Variants in CIITA observed in about 807,000 individuals in gnomAD.
The protein encoded by CIITA is class II major histocompatibility complex transactivator, also known as MHC class II transactivator.
A neutral mutation model predicts 115.1 loss-of-function variants in CIITA; 72 were observed. That is an observed-to-expected ratio of 0.63 (90% CI 0.52 to 0.76). The LOEUF is 0.76. CIITA is among the 30% of genes least tolerant of loss of function. CIITA has a pLI of 0.00. For missense variants in CIITA, 1,617 were observed against 1,463.8 expected (o/e 1.10, Z -1.71); for synonymous variants, 763 against 635.6 (o/e 1.20, Z -3.02).
chr16:10,896,589 T>G (rs927006101), intron 3 of CIITA, among the ~76,000 whole-genome samples: 1 of 152,116 alleles, frequency 6.6e-6, no homozygotes, highest in African/African-American at 2.4e-5. Flanking sequence ...AGAGCCTATG[T>G]TGAAATAGAA....
intron 1 of CIITA, among the ~76,000 whole-genome samples, chr16:10,893,923 C>G (rs116416319): frequency 2.0e-5 from 3 of 151,308 alleles, no homozygotes; most frequent in Non-Finnish European, 4.4e-5. Flanking sequence ...TTCATCACCC[C>G]CTAAAGAAAC....
upstream of CIITA, among the ~76,000 whole-genome samples, chr16:10,876,859 C>G (rs2035881995): frequency 6.6e-6 from 1 of 152,156 alleles, no homozygotes; most frequent in African/African-American, 2.4e-5. Context: ...GGGCGGAGGG[C>G]TATGATACTG....
At chr16:10,891,453 T>C in intron 1 of CIITA, among the ~76,000 whole-genome samples, 1 of 152,250 alleles carries the variant, frequency 6.6e-6, no homozygotes, top group East Asian at 1.9e-4. Flanking sequence ...AACTTATTAT[T>C]TTATAGATAT....
rs1450904938 is a variant in CIITA at position 10,901,973 on chromosome 16, G to A, written c.482-65G>A. The A allele has an allele frequency of 1.9e-6, 3 of 1,599,900 alleles. No homozygotes were observed. The highest frequency in any genetic ancestry group is 2.2e-5 in the East Asian group (1 of 44,844). ...GGAGAGACATCCATGCCACTCCAGG[G>A]CCCTCCCCATCCCAGGAAGGCCCCT... is the stretch of plus-strand genomic sequence containing the variant. On this transcript the variant is annotated intron_variant, in intron 6 of 19. Transcript: ENST00000324288. The surrounding 1 kb of genome is among the most constrained non-coding windows in gnomAD (Gnocchi z 6.8).
Position 10,933,285 on chromosome 16 carries a change from ACT to A in CIITA, c.*9433_*9434del, listed in dbSNP as rs1596651078. ...CGTGAAGCAATGTCTTAGCTCAGTA[ACT>A]CTGCAGAGAAGCTGCCTGGTTCAGG... is the stretch of plus-strand genomic sequence containing the variant. On this transcript the variant is annotated 3_prime_UTR_variant, in exon 20 of 20. Transcript: ENST00000324288. The A allele has an allele frequency of 6.6e-6, 1 of 152,278 alleles. No homozygotes were observed. Among genetic ancestry groups the A allele is most frequent in the Non-Finnish European group, 1.5e-5 (1 of 68,044 alleles). The allele number at this position is 152,278 out of a possible 1,614,324, so 9.4% of individuals were successfully genotyped here.
intron 1 of CIITA, among the ~76,000 whole-genome samples, chr16:10,877,668 C>T (rs2035965858): frequency 6.6e-6 from 1 of 152,196 alleles, no homozygotes; most frequent in African/African-American, 2.4e-5. Context: ...TCTCAGCATG[C>T]TGGCCTGGCT....
At position 10,870,169 on chromosome 16, in the gene CIITA, C is replaced by CAAAA. The variant is rs34256366; in HGVS notation, c.-21+3875_-21+3878dup. Among the ~76,000 whole-genome samples, 23 of 46,284 alleles carry CAAAA rather than the reference C, an allele frequency of 5.0e-4. 1 individual carries two copies. Among genetic ancestry groups the CAAAA allele is most frequent in the African/African-American group, 1.6e-3 (20 of 12,574 alleles). The allele number at this position is 46,284 out of a possible 152,430, so 30.4% of individuals were successfully genotyped here. On this transcript the variant is annotated intron_variant, in intron 1 of 5. Transcript: ENST00000636238. ...TCCTGGCCAATTGCAGTACTTCCTG[C>CAAAA]AAAAAAAAAAAAAAAAAAAAAAAAA... is the stretch of plus-strand genomic sequence containing the variant.
At chr16:10,869,758 G>A (rs371790742) in intron 1 of CIITA, among the ~76,000 whole-genome samples, 30 of 151,944 alleles carry the variant, frequency 2.0e-4, no homozygotes, top group Admixed American at 1.7e-3. Flanking sequence ...CAAGTGATCC[G>A]CCCACCCCAC....
rs1029680776 is a variant in CIITA at position 10,926,254 on chromosome 16, G to C, written c.*2399G>C. 12 of 152,210 alleles carry C rather than the reference G, an allele frequency of 7.9e-5. No homozygotes were observed. The highest frequency in any genetic ancestry group is 7.9e-4 in the Admixed American group (12 of 15,278). 9.4% of individuals were successfully genotyped at this position (152,210 alleles called of 1,614,324 possible). On this transcript the variant is annotated 3_prime_UTR_variant, in exon 20 of 20. Coordinates refer to ENST00000324288, the MANE Select transcript of CIITA (RefSeq NM_000246.4). ...CAGACAGGCAAGCACCTCCTGCCTC[G>C]AACTGGCTGCAAAGGGTATCAGGTG...
chr16:10,883,090 G>A (rs1322388264), intron 1 of CIITA, among the ~76,000 whole-genome samples: 1 of 152,090 alleles, frequency 6.6e-6, no homozygotes, highest in African/African-American at 2.4e-5. Flanking sequence ...GTTCATCTTG[G>A]GGTCTCCAGC....
Position 10,935,656 on chromosome 16 carries a change from C to T in CIITA, c.*11801C>T, listed in dbSNP as rs774830509. 1 of 152,186 alleles carries T rather than the reference C, an allele frequency of 6.6e-6. No individual in the cohort carries two copies. The highest frequency in any genetic ancestry group is 1.5e-5 in the Non-Finnish European group (1 of 68,034). The allele number at this position is 152,186 out of a possible 1,614,324, so 9.4% of individuals were successfully genotyped here. On this transcript the variant is annotated 3_prime_UTR_variant, in exon 20 of 20. Coordinates refer to ENST00000324288, the MANE Select transcript of CIITA (RefSeq NM_000246.4). ...GCAGACACCACCTTCACCAACTGATCAAAGTTAACATCGCCAGAAAGGGGA... is the reference window on the plus strand; with the variant it reads ...GCAGACACCACCTTCACCAACTGATTAAAGTTAACATCGCCAGAAAGGGGA...
At position 10,901,123 on chromosome 16, in the gene CIITA, A is replaced by G. The variant is rs1357099710; in HGVS notation, c.437-391A>G. Among the ~76,000 whole-genome samples, 1 of 151,994 alleles carries G rather than the reference A, an allele frequency of 6.6e-6. No homozygotes were observed. The highest frequency in any genetic ancestry group is 1.5e-5 in the Non-Finnish European group (1 of 67,986). On this transcript the variant is annotated intron_variant, in intron 5 of 19. Transcript: ENST00000324288. This position sits in a 1 kb window ranked among gnomAD's most constrained non-coding sequence, Gnocchi z 6.8. ...ATACTCACTCACTGATTTCTGGCAT[A>G]CTCCTGCAATGTAGGAACCACCACC...
In CIITA at chr16:10,901,579, G is replaced by T; in HGVS notation, c.481+21G>T. 1.2e-6 allele frequency: 2 copies of T among 1,613,270 alleles called. No homozygotes were observed. Among genetic ancestry groups the T allele is most frequent in the Non-Finnish European group, 1.7e-6 (2 of 1,179,640 alleles). ...GCCAGGTGTGCAGGGCAGGTGGGCTGGGGTTGGGAAGGGTGGATGCCTTGG... is the reference window on the plus strand; with the variant it reads ...GCCAGGTGTGCAGGGCAGGTGGGCTTGGGTTGGGAAGGGTGGATGCCTTGG... On this transcript the variant is annotated intron_variant, in intron 6 of 19. Coordinates refer to ENST00000324288, the MANE Select transcript of CIITA (RefSeq NM_000246.4). This position sits in a 1 kb window ranked among gnomAD's most constrained non-coding sequence, Gnocchi z 6.8.
At chr16:10,913,705 C>T (rs1365909390) in intron 13 of CIITA, among the ~76,000 whole-genome samples, 4 of 151,732 alleles carry the variant, frequency 2.6e-5, no homozygotes, top group African/African-American at 4.8e-5. Context: ...TTTGGGAGGC[C>T]GAGGCAGGTG....
chr16:10,916,280 C>T (rs760307983), intron 14 of CIITA, 87 bp from the exon 15 acceptor site: 42 of 1,263,834 alleles, frequency 3.3e-5, no homozygotes, highest in African/African-American at 1.0e-4. Context: ...GGGCAGGTGC[C>T]AGGGCTGAGG....
chr16:10,895,706 C>T lies in CIITA; in HGVS notation c.237C>T (p.Ser79=), dbSNP rs2038061291. 1 of 1,614,174 alleles carries T rather than the reference C, an allele frequency of 6.2e-7. No individual in the cohort carries two copies. The highest frequency in any genetic ancestry group is 8.5e-7 in the Non-Finnish European group (1 of 1,180,036). ...DTDTINCDQF[S]RLLCDMEGDE... ...ACACCATCAACTGCGACCAGTTCAGCAGGCTGTTGTGTGACATGGAAGGTG... is the reference window on the plus strand; with the variant it reads ...ACACCATCAACTGCGACCAGTTCAGTAGGCTGTTGTGTGACATGGAAGGTG... Residue 79 remains serine (S), a synonymous_variant, in exon 3 of 20, where the codon AGC becomes AGT. Transcript: ENST00000324288.
chr16:10,871,289 C>T (rs192498139), intron 1 of CIITA, among the ~76,000 whole-genome samples: 358 of 152,308 alleles, frequency 2.4e-3, no homozygotes, highest in Non-Finnish European at 4.2e-3. Context: ...ACCACAAGCC[C>T]AACGTGCATG....
chr16:10,895,046 CT>C (rs1407730357), intron 1 of CIITA, among the ~76,000 whole-genome samples: 2 of 152,190 alleles, frequency 1.3e-5, no homozygotes, highest in Non-Finnish European at 2.9e-5. Flanking sequence ...GGAATCCACA[CT>C]TTCCAGTTCC....
chr16:10,868,412 A>G (rs1360769859), intron 1 of CIITA, among the ~76,000 whole-genome samples: 1 of 152,204 alleles, frequency 6.6e-6, no homozygotes, highest in African/African-American at 2.4e-5. Flanking sequence ...AGTGTTGTTT[A>G]CCAGCTTTCC....
Sources: allele counts gnomAD v4.1 joint callset (sites outside exome capture counted in the v4.1 genomes callset), GRCh38; gene constraint gnomAD v4.1.1; non-coding constraint Gnocchi (gnomAD v3.1); transcripts MANE v1.5; gene names NCBI Gene and HGNC (gene_info 2026-07-23, HGNC 2026-07-21).